LEF1: variants seen among roughly 807,000 people sequenced by gnomAD.
The protein encoded by LEF1 is lymphoid enhancer-binding factor 1.
A neutral mutation model predicts 51.2 loss-of-function variants in LEF1; 14 were observed. The ratio of observed to expected loss-of-function variants is 0.27; its 90% CI spans 0.18 to 0.43. LEF1 has a LOEUF of 0.43. Among genes scored for constraint, LEF1 ranks in the 20% least tolerant of loss-of-function variants. LEF1 has a pLI of 1.00. For synonymous variants in LEF1, 185 were observed against 183.2 expected (o/e 1.01, Z -0.08); for missense variants, 386 against 512.0 (o/e 0.75, Z 2.37).
chr4:108,167,538 G>C lies in LEF1; in HGVS notation c.213+17C>G, dbSNP rs768584360. On this transcript the variant is annotated intron_variant, in intron 1 of 11. Transcript: ENST00000265165. This position sits in a 1 kb window ranked among gnomAD's most constrained non-coding sequence, Gnocchi z 5.7. ...GACCCGCCACGCCTCTCGGAACTGG[G>C]GCAGCGGCCCGCTCACCTCGTGTCC... The C allele has an allele frequency of 6.2e-7, 1 of 1,612,878 alleles. No homozygotes were observed. Among genetic ancestry groups the C allele is most frequent in the African/African-American group, 1.3e-5 (1 of 74,902 alleles).
chr4:108,128,659 C>T (rs1269206989), intron 3 of LEF1, among the ~76,000 whole-genome samples: 1 of 151,976 alleles, frequency 6.6e-6, no homozygotes, highest in Non-Finnish European at 1.5e-5. Flanking sequence ...CAAACAAATA[C>T]ATAAAGATAC....
At chr4:108,123,441 T>G (rs1479177171) in intron 3 of LEF1, among the ~76,000 whole-genome samples, 1 of 148,232 alleles carries the variant, frequency 6.7e-6, no homozygotes, top group Non-Finnish European at 1.5e-5. Flanking sequence ...GGTTTTTTTT[T>G]TTTTTTTTTT....
chr4:108,097,725 A>G (rs1740489187), intron 3 of LEF1, among the ~76,000 whole-genome samples: 1 of 131,100 alleles, frequency 7.6e-6, no homozygotes, highest in African/African-American at 2.7e-5. Flanking sequence ...TGTACCCATA[A>G]TGATTAAAAC....
intron 4 of LEF1, among the ~76,000 whole-genome samples, chr4:108,084,125 G>GCC (rs1739491179): frequency 6.6e-6 from 1 of 152,170 alleles, no homozygotes; most frequent in Non-Finnish European, 1.5e-5. Flanking sequence ...GGAGTACACT[G>GCC]CCCTGTAACT....
chr4:108,154,939 T>C (rs574588112), intron 3 of LEF1, among the ~76,000 whole-genome samples: 1 of 152,302 alleles, frequency 6.6e-6, no homozygotes, highest in South Asian at 2.1e-4. Flanking sequence ...TAGAAAAACA[T>C]TGATTTCTCC....
intron 4 of LEF1, 93 bp downstream of exon 4, chr4:108,089,032 T>C (rs1387626975): frequency 5.8e-6 from 8 of 1,376,372 alleles, no homozygotes; most frequent in South Asian, 1.2e-5. Flanking sequence ...CCCAGTGACA[T>C]GGAGCACTGG....
At chr4:108,148,097 G>A (rs923992703) in intron 3 of LEF1, among the ~76,000 whole-genome samples, 10 of 152,144 alleles carry the variant, frequency 6.6e-5, no homozygotes, top group Non-Finnish European at 1.3e-4. Flanking sequence ...CAGTGACACA[G>A]TACCAACAGC....
chr4:108,092,939 A>AAAAAAAAAAAAAAAC lies in LEF1; in HGVS notation c.415-3683_415-3682insGTTTTTTTTTTTTTT, dbSNP rs1553952202. ...ATGTAAAAAAAAAAAAAAAAAAAAA[A>AAAAAAAAAAAAAAAC]AAAAAAAAAAGACAAGCAAAATCTG... On this transcript the variant is annotated intron_variant, in intron 3 of 11. Coordinates refer to ENST00000265165, the MANE Select transcript of LEF1 (RefSeq NM_016269.5). Among the ~76,000 whole-genome samples the AAAAAAAAAAAAAAAC allele has an allele frequency of 5.3e-3, 478 of 90,694 alleles. 19 individuals carry two copies. The highest frequency in any genetic ancestry group is 8.0e-3 in the Non-Finnish European group (359 of 44,950). 59.5% of individuals were successfully genotyped at this position (90,694 alleles called of 152,430 possible). A position where few individuals can be genotyped will look rare whatever the true frequency, so the allele number is the denominator to read the frequency against.
chr4:108,136,018 T>C (rs1743242850), intron 3 of LEF1, among the ~76,000 whole-genome samples: 1 of 152,164 alleles, frequency 6.6e-6, no homozygotes, highest in African/African-American at 2.4e-5. Context: ...CAAAAACTGG[T>C]CTCAGCTGCT....
intron 3 of LEF1, among the ~76,000 whole-genome samples, chr4:108,104,264 T>A (rs11931440): frequency 0.013 from 1,921 of 151,846 alleles, 40 homozygotes; most frequent in African/African-American, 0.043. Flanking sequence ...AGGCAGTAAT[T>A]GAGAATGACT....
At chr4:108,087,421 G>GT (rs951725557) in intron 4 of LEF1, among the ~76,000 whole-genome samples, 1 of 151,816 alleles carries the variant, frequency 6.6e-6, no homozygotes, top group African/African-American at 2.4e-5. Context: ...GTTTTGGAGA[G>GT]TTTTTTTTTA....
At chr4:108,149,792 C>T (rs1421070944) in intron 3 of LEF1, among the ~76,000 whole-genome samples, 1 of 151,576 alleles carries the variant, frequency 6.6e-6, no homozygotes, top group African/African-American at 2.4e-5. Context: ...AGCTCATTTA[C>T]AAAAACGTTT....
rs1740160896 is a variant in LEF1 at position 108,093,170 on chromosome 4, T to C, written c.415-3913A>G. On this transcript the variant is annotated intron_variant, in intron 3 of 11. Coordinates refer to ENST00000265165, the MANE Select transcript of LEF1 (RefSeq NM_016269.5). ...AATGGGTAGGTCAAGCCAGGACTAC[T>C]GTATAAAATAGTACAGTCCTGCTCA... 4.6e-5 allele frequency among the ~76,000 whole-genome samples: 7 copies of C among 152,306 alleles called. No individual in the cohort carries two copies. The South Asian group carries it at 1.5e-3, about 32-fold the overall frequency.
chr4:108,099,945 A>G (rs1433089814), intron 3 of LEF1, among the ~76,000 whole-genome samples: 1 of 152,058 alleles, frequency 6.6e-6, no homozygotes, highest in Admixed American at 6.6e-5. Context: ...CCTAACACAC[A>G]TTTTCAGATT....
chr4:108,111,791 T>G (rs1354010972), intron 3 of LEF1, among the ~76,000 whole-genome samples: 1 of 152,136 alleles, frequency 6.6e-6, no homozygotes, highest in Non-Finnish European at 1.5e-5. Flanking sequence ...GGTGCACCCT[T>G]CCAGTCCAGC....
Position 108,167,351 on chromosome 4 carries a change from T to TACACACACACACACAC in LEF1, c.213+188_213+203dup, listed in dbSNP as rs35000095. On this transcript the variant is annotated intron_variant, in intron 1 of 11. Transcript: ENST00000265165. This position sits in a 1 kb window ranked among gnomAD's most constrained non-coding sequence, Gnocchi z 5.7. ...TACCCTGCCCCTCTACCTCCCATCC[T>TACACACACACACACAC]ACACACACACACACACACACACACA... Among the ~76,000 whole-genome samples, 3 of 131,696 alleles carry TACACACACACACACAC rather than the reference T, an allele frequency of 2.3e-5. No individual in the cohort carries two copies. Among genetic ancestry groups the TACACACACACACACAC allele is most frequent in the Non-Finnish European group, 4.9e-5 (3 of 61,194 alleles). 86.4% of individuals were successfully genotyped at this position (131,696 alleles called of 152,430 possible).
rs755768231 is a variant in LEF1, at chr4:108,110,069, TG to T, written c.415-20813del. ...AAGTAATGAGGATTTGTATTAGAAC[TG>T]TTCTCTTCAGCAAGAGCACGAAGCC... On this transcript the variant is annotated intron_variant, in intron 3 of 11. Transcript: ENST00000265165. Among the ~76,000 whole-genome samples, 96 of 152,342 alleles carry T rather than the reference TG, an allele frequency of 6.3e-4. 3 individuals carry two copies. The highest frequency in any genetic ancestry group is 6.8e-3 in the Middle Eastern group (2 of 294).
At chr4:108,132,491 G>A (rs771904399) in intron 3 of LEF1, among the ~76,000 whole-genome samples, 4 of 151,904 alleles carry the variant, frequency 2.6e-5, no homozygotes, top group Non-Finnish European at 4.4e-5. Context: ...GACCTGGAGT[G>A]CAGGCACTAT....
chr4:108,102,063 C>T (rs1019299362), intron 3 of LEF1, among the ~76,000 whole-genome samples: 1 of 77,816 alleles, frequency 1.3e-5, no homozygotes, highest in East Asian at 4.2e-4. Context: ...AACCCGGTCT[C>T]AAAAAAAAAA....
Sources: allele counts gnomAD v4.1 joint callset (sites outside exome capture counted in the v4.1 genomes callset), GRCh38; gene constraint gnomAD v4.1.1; non-coding constraint Gnocchi (gnomAD v3.1); transcripts MANE v1.5; gene names NCBI Gene and HGNC (gene_info 2026-07-23, HGNC 2026-07-21).